The following SYNDIG1 variants were observed in gnomAD, a reference collection of about 807,000 sequenced individuals.
SYNDIG1 encodes the protein synapse differentiation inducing 1.
Under a neutral mutation model 19.4 loss-of-function variants are expected in SYNDIG1, and 9 were observed. The ratio of observed to expected loss-of-function variants is 0.46; its 90% confidence interval spans 0.28 to 0.81. The LOEUF (loss-of-function observed/expected upper bound fraction) is 0.81, where lower values mean the gene tolerates loss of function less well. Ranked by LOEUF, SYNDIG1 falls within the 30% of genes least tolerant of loss-of-function variation. SYNDIG1 has a pLI of 0.12. For synonymous variants in SYNDIG1, 141 were observed against 145.9 expected, an observed-to-expected ratio of 0.97 and a Z score of 0.24; for missense variants, 311 against 343.3, an observed-to-expected ratio of 0.91 and a Z score of 0.74.
chr20:24,595,501 C>G (rs925710549), intron 3 of SYNDIG1, among the ~76,000 whole-genome samples: 2 of 152,186 alleles, frequency 1.3e-5, no homozygotes, highest in East Asian at 3.8e-4. Flanking sequence ...CAGGATGATA[C>G]TGACCTCATA....
At chr20:24,581,834 CA>C (rs2058328286) in intron 2 of SYNDIG1, among the ~76,000 whole-genome samples, 1 of 150,218 alleles carries the variant, frequency 6.7e-6, no homozygotes, top group African/African-American at 2.5e-5. Context: ...TGCACGTCCT[CA>C]CCCCTGCACA....
intron 1 of SYNDIG1, among the ~76,000 whole-genome samples, chr20:24,488,852 C>T (rs540990771): frequency 1.1e-4 from 16 of 152,338 alleles, no homozygotes; most frequent in African/African-American, 3.8e-4. Flanking sequence ...GGCCTGGTGC[C>T]AGAGCATCCC....
At chr20:24,629,239 C>T (rs1378703871) in intron 3 of SYNDIG1, among the ~76,000 whole-genome samples, 2 of 152,172 alleles carry the variant, frequency 1.3e-5, no homozygotes, top group African/African-American at 2.4e-5. Context: ...GTCGGCTCCC[C>T]GCTTATGCTG....
chr20:24,547,021 C>CCCTCATTGCCCTTGTTCAGAGGGGGCCA (rs999183890), intron 2 of SYNDIG1, among the ~76,000 whole-genome samples: 76 of 152,198 alleles, frequency 5.0e-4, no homozygotes, highest in Non-Finnish European at 7.8e-4. Context: ...GAATGGGGCC[C>CCCTCATTGCCCTTGTTCAGAGGGGGCCA]CCTCATTGCC....
chr20:24,632,536 G>A (rs956517836), intron 3 of SYNDIG1, among the ~76,000 whole-genome samples: 5 of 152,154 alleles, frequency 3.3e-5, no homozygotes, highest in African/African-American at 1.2e-4. Flanking sequence ...CACCACATCT[G>A]GCCAGAGTTC....
Position 24,543,335 on chromosome 20 carries a change from C to A in SYNDIG1, c.238C>A (p.Gln80Lys). The change falls in exon 2 of 4, where the codon CAG becomes AAG. Residue 80 changes from glutamine to lysine, a missense_variant. Coordinates refer to ENST00000376862, the MANE Select transcript of SYNDIG1 (RefSeq NM_024893.3). ...MQQLLDPNTL[Q>K]QSVESRYRPN... ...GCAGCTGCTGGACCCCAACACCCTG[C>A]AGCAGTCAGTGGAGTCCCGCTACCG... is the stretch of plus-strand genomic sequence containing the variant. The A allele has an allele frequency of 1.2e-6, 2 of 1,613,610 alleles. No homozygotes were observed. Among genetic ancestry groups the A allele is most frequent in the African/African-American group, 1.3e-5 (1 of 75,056 alleles).
At chr20:24,548,528 A>C (rs969794986) in intron 2 of SYNDIG1, among the ~76,000 whole-genome samples, 1 of 152,234 alleles carries the variant, frequency 6.6e-6, no homozygotes, top group Non-Finnish European at 1.5e-5. Flanking sequence ...CATGTGAAGA[A>C]AACCCAAAAG....
At chr20:24,652,794 A>T (rs2059486328) in intron 3 of SYNDIG1, among the ~76,000 whole-genome samples, 1 of 152,162 alleles carries the variant, frequency 6.6e-6, no homozygotes, top group Admixed American at 6.5e-5. Flanking sequence ...GCCCTCAAGC[A>T]GTGGTGGAGG....
At chr20:24,495,132 C>T (rs2056263908) in intron 1 of SYNDIG1, among the ~76,000 whole-genome samples, 1 of 152,204 alleles carries the variant, frequency 6.6e-6, no homozygotes, top group Admixed American at 6.5e-5. Context: ...AGTACAATGG[C>T]CATGTTCCTC....
At chr20:24,541,872 G>T (rs2057475579) in intron 1 of SYNDIG1, among the ~76,000 whole-genome samples, 1 of 152,208 alleles carries the variant, frequency 6.6e-6, no homozygotes. Flanking sequence ...GAGCCATGTG[G>T]ATAACCCTAG....
chr20:24,522,244 T>C (rs2057020866), intron 1 of SYNDIG1, among the ~76,000 whole-genome samples: 1 of 152,124 alleles, frequency 6.6e-6, no homozygotes, highest in Admixed American at 6.5e-5. Flanking sequence ...TATAGGTGCA[T>C]ATGCCTGGCC....
intron 1 of SYNDIG1, among the ~76,000 whole-genome samples, chr20:24,474,314 G>T (rs2055555154): frequency 6.6e-6 from 1 of 152,110 alleles, no homozygotes; most frequent in Admixed American, 6.6e-5. Flanking sequence ...ACTATTGTTT[G>T]ATAAATGACC....
intron 1 of SYNDIG1, among the ~76,000 whole-genome samples, chr20:24,500,490 CTTT>C (rs2056417193): frequency 1.1e-5 from 1 of 92,806 alleles, no homozygotes; most frequent in Non-Finnish European, 2.4e-5. Context: ...TTCTTTCTTT[CTTT>C]CTTTCTTTCT....
intron 3 of SYNDIG1, among the ~76,000 whole-genome samples, chr20:24,604,180 C>T (rs946336117): frequency 3.9e-5 from 6 of 152,040 alleles, no homozygotes; most frequent in Non-Finnish European, 5.9e-5. Context: ...TGGAGCTCCA[C>T]GGATTCCACA....
chr20:24,579,981 G>C (rs546718408), intron 2 of SYNDIG1, among the ~76,000 whole-genome samples: 1 of 152,338 alleles, frequency 6.6e-6, no homozygotes, highest in African/African-American at 2.4e-5. Flanking sequence ...CTCTCTCTCT[G>C]TGGAGGTAAG....
At position 24,642,452 on chromosome 20, in the gene SYNDIG1, G is replaced by A. The variant is rs57639657; in HGVS notation, c.619-22894G>A. ...GGAAGTCACCGCACAGCCCACACTCGAAGGGTAGGGTGGAAAATACTTTAT... is the reference window on the plus strand; with the variant it reads ...GGAAGTCACCGCACAGCCCACACTCAAAGGGTAGGGTGGAAAATACTTTAT... On this transcript the variant is annotated intron_variant, in intron 3 of 3. Transcript: ENST00000376862. Among the ~76,000 whole-genome samples, 889 of 152,236 alleles carry A rather than the reference G, an allele frequency of 5.8e-3. 6 individuals are homozygous for A. Among genetic ancestry groups the A allele is most frequent in the African/African-American group, 0.02 (836 of 41,520 alleles).
chr20:24,660,030 G>T lies in SYNDIG1; in HGVS notation c.619-5316G>T, dbSNP rs1343813308. On this transcript the variant is annotated intron_variant, in intron 3 of 3. Transcript: ENST00000376862. ...AGGCAACTTGGGCCTGTTTTGTGCT[G>T]TAGATAATAGGATGCCGAGTCCGGC... Among the ~76,000 whole-genome samples, 5 of 152,156 alleles carry T rather than the reference G, an allele frequency of 3.3e-5. No homozygotes were observed. In the South Asian group the frequency reaches 1.0e-3, roughly 32 times the overall value.
intron 3 of SYNDIG1, among the ~76,000 whole-genome samples, chr20:24,608,086 T>C (rs1461831954): frequency 6.6e-6 from 1 of 152,234 alleles, no homozygotes; most frequent in Non-Finnish European, 1.5e-5. Context: ...GTATACCTAA[T>C]AAAAGATATT....
chr20:24,561,856 A>C (rs1385101728), intron 2 of SYNDIG1, among the ~76,000 whole-genome samples: 1 of 152,246 alleles, frequency 6.6e-6, no homozygotes, highest in Non-Finnish European at 1.5e-5. Flanking sequence ...TGAGAATGTT[A>C]ATCAAATTAA....
Sources: gnomAD v4.1 joint callset for allele counts (sites outside exome capture counted in the v4.1 genomes callset) on GRCh38, gnomAD v4.1.1 for gene constraint, MANE v1.5 for transcripts, NCBI Gene and HGNC (gene_info 2026-07-23, HGNC 2026-07-21) for gene names.